Variants in DCN observed in about 807,000 individuals in gnomAD.
DCN encodes bone proteoglycan II.
A neutral mutation model predicts 36.5 loss-of-function variants in DCN; 17 were observed. The observed-to-expected ratio is 0.47, with a 90% confidence interval of 0.32 to 0.70. The LOEUF is 0.70. Ranked by LOEUF, DCN falls within the 30% of genes least tolerant of loss-of-function variation. The pLI is 0.04. For synonymous variants in DCN, 163 were observed against 161.4 expected, an observed-to-expected ratio of 1.01 and a Z score of -0.07; for missense variants, 389 against 430.1, an observed-to-expected ratio of 0.90 and a Z score of 0.84.
chr12:91,154,611 A>G (rs1881641763), intron 5 of DCN, among the ~76,000 whole-genome samples: 1 of 152,158 alleles, frequency 6.6e-6, no homozygotes. Context: ...TGAGATAGAC[A>G]AATTTGTAAA....
rs376886852 is a variant in DCN at position 91,146,351 on chromosome 12, C to CTTTTTTTTT, written c.886-108_886-100dup. ...TTTTTTATTATTTTTTAATCCTTCA[C>CTTTTTTTTT]TTTTTTTTTTTTTTTTTTTTTTTGA... is the stretch of plus-strand genomic sequence containing the variant. On this transcript the variant is annotated intron_variant, in intron 7 of 7. Coordinates refer to ENST00000052754, the MANE Select transcript of DCN (RefSeq NM_001920.5). 92 of 318,290 alleles carry CTTTTTTTTT rather than the reference C, an allele frequency of 2.9e-4. 2 individuals carry two copies. In the African/African-American group the frequency reaches 3.1e-3, roughly 11 times the overall value. 19.7% of individuals were successfully genotyped at this position (318,290 alleles called of 1,614,324 possible).
chr12:91,156,181 G>A (rs182522094), intron 5 of DCN, among the ~76,000 whole-genome samples: 1 of 152,182 alleles, frequency 6.6e-6, no homozygotes, highest in Non-Finnish European at 1.5e-5. Flanking sequence ...GGAATCCCTT[G>A]GAACAATGAA....
chr12:91,180,423 A>G (rs1229635814), intron 1 of DCN: 1 of 152,052 alleles, frequency 6.6e-6, no homozygotes, highest in African/African-American at 2.4e-5. Flanking sequence ...GAGAAGAGAA[A>G]AGAAAGATCT....
At chr12:91,175,848 A>C (rs542393769) in intron 2 of DCN, 14 of 152,228 alleles carry the variant, frequency 9.2e-5, no homozygotes, top group African/African-American at 3.4e-4. Context: ...CTGCATTTAC[A>C]ATGAATGAGG....
intron 2 of DCN, 82 bp downstream of exon 2, chr12:91,178,254 TTAAAAC>T: frequency 1.7e-6 from 2 of 1,210,280 alleles, no homozygotes; most frequent in Admixed American, 1.7e-5. Context: ...TTTAGAGAGA[TTAAAAC>T]TGAAAATGCT....
At chr12:91,160,926 C>T (rs1882117462) in intron 3 of DCN, among the ~76,000 whole-genome samples, 1 of 152,154 alleles carries the variant, frequency 6.6e-6, no homozygotes, top group Non-Finnish European at 1.5e-5. Context: ...ACACACCACT[C>T]ATAATGAAGC....
At chr12:91,155,999 C>G (rs1000246655) in intron 5 of DCN, among the ~76,000 whole-genome samples, 2 of 152,078 alleles carry the variant, frequency 1.3e-5, no homozygotes, top group South Asian at 2.1e-4. Context: ...CACTCAAGAA[C>G]AAGGCATCTA....
intron 3 of DCN, among the ~76,000 whole-genome samples, chr12:91,163,579 A>T (rs1204114309): frequency 6.6e-5 from 10 of 152,168 alleles, no homozygotes; most frequent in Admixed American, 6.6e-4. Flanking sequence ...AGTCTCCTCC[A>T]TGAAACCCCT....
chr12:91,164,397 A>T (rs1312569738), intron 3 of DCN, among the ~76,000 whole-genome samples: 10 of 101,044 alleles, frequency 9.9e-5, no homozygotes, highest in Middle Eastern at 5.0e-3. Flanking sequence ...AAGAAGCATA[A>T]TTCAAAAAAA....
In DCN at chr12:91,164,890, T is replaced by G. The variant is rs3138220; in HGVS notation, c.212-173A>C. Among the ~76,000 whole-genome samples, 1,374 of 152,344 alleles carry G rather than the reference T, an allele frequency of 9.0e-3. 24 individuals are homozygous for G. Among genetic ancestry groups the G allele is most frequent in the African/African-American group, 0.032 (1,315 of 41,578 alleles). On this transcript the variant is annotated intron_variant, in intron 2 of 7. Transcript: ENST00000052754. ...TGTAGGGTAAAATTTTTGCTTTATCTTTTGCAACCAAGTCAAATGACTTTT... is the reference window on the plus strand; with the variant it reads ...TGTAGGGTAAAATTTTTGCTTTATCGTTTGCAACCAAGTCAAATGACTTTT...
rs1592673646 is a variant in DCN at position 91,144,931 on chromosome 12, T to C, written c.*1127A>G. On this transcript the variant is annotated 3_prime_UTR_variant, in exon 8 of 8. Transcript: ENST00000052754. ...TATTTCAATTATTTGCTATACTTAA[T>C]AAATTATTTAAATTTACACTGTATT... 2 of 152,250 alleles carry C rather than the reference T, an allele frequency of 1.3e-5. No homozygotes were observed. Among genetic ancestry groups the C allele is most frequent in the South Asian group, 4.1e-4 (2 of 4,836 alleles). 9.4% of individuals were successfully genotyped at this position (152,250 alleles called of 1,614,324 possible). A position where few individuals can be genotyped will look rare whatever the true frequency, so the allele number is the denominator to read the frequency against.
chr12:91,156,179 T>C (rs1881753187), intron 5 of DCN, among the ~76,000 whole-genome samples: 1 of 152,138 alleles, frequency 6.6e-6, no homozygotes, highest in South Asian at 2.1e-4. Context: ...TGGGAATCCC[T>C]TGGAACAATG....
At chr12:91,152,015 C>A (rs954428595) in intron 6 of DCN, among the ~76,000 whole-genome samples, 1 of 152,118 alleles carries the variant, frequency 6.6e-6, no homozygotes, top group Non-Finnish European at 1.5e-5. Flanking sequence ...TCTGACAGAA[C>A]GTGATTGGAC....
At chr12:91,154,018 C>G (rs898152354) in intron 5 of DCN, among the ~76,000 whole-genome samples, 1 of 151,960 alleles carries the variant, frequency 6.6e-6, no homozygotes, top group Non-Finnish European at 1.5e-5. Context: ...CACTTAATAG[C>G]AATAGATACA....
At chr12:91,178,245 T>G in intron 2 of DCN, 97 bp downstream of exon 2, 1 of 1,117,416 alleles carries the variant, frequency 8.9e-7, no homozygotes, top group Non-Finnish European at 1.4e-6. Context: ...TCTCTCAAAT[T>G]TAGAGAGATT....
At chr12:91,182,092 T>C (rs1370415639) in intron 1 of DCN, among the ~76,000 whole-genome samples, 1 of 152,118 alleles carries the variant, frequency 6.6e-6, no homozygotes, top group East Asian at 1.9e-4. Flanking sequence ...GCGTTTTTAG[T>C]ATCTTAGGCA....
Position 91,158,343 on chromosome 12 carries a change from T to C in DCN, c.491A>G (p.Lys164Arg), listed in dbSNP as rs1881934755. 1 of 1,613,880 alleles carries C rather than the reference T, an allele frequency of 6.2e-7. No individual in the cohort carries two copies. The highest frequency in any genetic ancestry group is 1.7e-5 in the Admixed American group (1 of 60,010). ...ELRAHENEIT[K>R]VRKVTFNGLN... ...TCCATTGAAAGTAACTTTTCGCACTTTGGTGATCTCATTCTCATGGGCACG... is the reference window on the plus strand; with the variant it reads ...TCCATTGAAAGTAACTTTTCGCACTCTGGTGATCTCATTCTCATGGGCACG... The change falls in exon 4 of 8, where the codon AAA becomes AGA. Residue 164 changes from lysine (K) to arginine (R), a missense_variant. Coordinates refer to ENST00000052754, the MANE Select transcript of DCN (RefSeq NM_001920.5).
At chr12:91,167,646 T>C (rs538174811) in intron 2 of DCN, among the ~76,000 whole-genome samples, 7 of 152,284 alleles carry the variant, frequency 4.6e-5, no homozygotes, top group African/African-American at 1.7e-4. Flanking sequence ...ATTAACTCGT[T>C]CAACATTCAA....
At chr12:91,151,951 C>A (rs1003630279) in intron 6 of DCN, among the ~76,000 whole-genome samples, 159 bp from the exon 7 acceptor site, 1 of 152,182 alleles carries the variant, frequency 6.6e-6, no homozygotes, top group Non-Finnish European at 1.5e-5. Context: ...TGAGCCTGGA[C>A]AAAGTCCATT....
Sources: gnomAD v4.1 joint callset for allele counts (sites outside exome capture counted in the v4.1 genomes callset) on GRCh38, gnomAD v4.1.1 for gene constraint, MANE v1.5 for transcripts, NCBI Gene and HGNC (gene_info 2026-07-23, HGNC 2026-07-21) for gene names.